Variants in EP400 observed in about 807,000 individuals in gnomAD.
The protein encoded by EP400 is E1A binding protein p400.
Under a neutral mutation model 354.1 loss-of-function variants are expected in EP400, and 105 were observed. The observed-to-expected ratio is 0.30, with a 90% CI of 0.25 to 0.35. The LOEUF is 0.35. Among genes scored for constraint, EP400 ranks in the 10% least tolerant of loss-of-function variants. The pLI is 1.00. For synonymous variants in EP400, 1,646 were observed against 1,716.9 expected (o/e 0.96, Z 1.02); for missense variants, 3,280 against 4,121.0 (o/e 0.80, Z 5.59).
chr12:132,064,717 C>T lies in EP400; in HGVS notation c.8384C>T (p.Pro2795Leu), dbSNP rs149682581. The stretch of plus-strand genomic sequence containing the variant: ...CAGAAACTGCAGATGCCCCCGCAGC[C>T]CCCACCGCCACAGGCCCAGTCTGCG... The part of the protein sequence containing the change: ...QKQKLQMPPQ[P>L]PPPQAQSAPP... The change falls in exon 48 of 53, where the codon CCC (proline) becomes CTC (leucine). Residue 2795 changes from proline to leucine, a missense_variant. This residue lies in a region of EP400 where 86 missense variants were observed against 66.4 expected (regional missense o/e 1.29). Transcript: ENST00000389561. 5.8e-5 allele frequency: 94 copies of T among 1,613,816 alleles called. No homozygotes were observed. Among genetic ancestry groups the T allele is most frequent in the Non-Finnish European group, 6.9e-5 (82 of 1,179,868 alleles).
At chr12:131,957,875 C>T (rs905123710) in intron 1 of EP400, among the ~76,000 whole-genome samples, 3 of 152,202 alleles carry the variant, frequency 2.0e-5, no homozygotes, top group Non-Finnish European at 4.4e-5. Context: ...GGATTACAGG[C>T]ATGAGCCACC....
chr12:132,005,532 T>C (rs1019730710), intron 13 of EP400, among the ~76,000 whole-genome samples: 1 of 152,222 alleles, frequency 6.6e-6, no homozygotes, highest in Non-Finnish European at 1.5e-5. Flanking sequence ...GGTATTAGAC[T>C]TTCTAAACAG....
rs755285715 is a variant in EP400, at chr12:132,067,948, A to G, written c.8874+462A>G. On this transcript the variant is annotated intron_variant, in intron 50 of 52. Coordinates refer to ENST00000389561, the MANE Select transcript of EP400 (RefSeq NM_015409.5). The surrounding 1 kb of genome is among the most constrained non-coding windows in gnomAD (Gnocchi z 5.3). ...GCATGTTGGTGGTGAAAGGGGAGAT[A>G]AACACGCCAGGGCCCGACGTGGATG... is the stretch of plus-strand genomic sequence containing the variant. 5.9e-5 allele frequency among the ~76,000 whole-genome samples: 9 copies of G among 152,070 alleles called. No homozygotes were observed. Among genetic ancestry groups the G allele is most frequent in the Admixed American group, 4.6e-4 (7 of 15,282 alleles).
intron 4 of EP400, 21 bp from the exon 5 acceptor site, chr12:131,982,072 G>A (rs1892699801): frequency 6.7e-7 from 1 of 1,502,752 alleles, no homozygotes; most frequent in Non-Finnish European, 8.8e-7. Context: ...CAGTGCTTTT[G>A]GCACTTTTCT....
At chr12:132,032,683 T>C (rs1378479797) in intron 30 of EP400, among the ~76,000 whole-genome samples, 4 of 151,684 alleles carry the variant, frequency 2.6e-5, no homozygotes, top group Non-Finnish European at 5.9e-5. Context: ...CAGGCGGTAG[T>C]GCAGTGGCAC....
chr12:132,013,282 C>T lies in EP400; in HGVS notation c.3611+104C>T, dbSNP rs367708103. On this transcript the variant is annotated intron_variant, in intron 17 of 52. Coordinates refer to ENST00000389561, the MANE Select transcript of EP400 (RefSeq NM_015409.5). The surrounding 1 kb of genome is among the most constrained non-coding windows in gnomAD (Gnocchi z 4.5). ...GCAGACACAAACAATGGCCTTTGAG[C>T]TAGAGAATTGCTTTTCATCTTCATC... 4.1e-6 allele frequency: 6 copies of T among 1,458,100 alleles called. No individual in the cohort carries two copies. In the East Asian group the frequency reaches 1.2e-4, roughly 29 times the overall value. The allele number at this position is 1,458,100 out of a possible 1,614,324, so 90.3% of individuals were successfully genotyped here. A position where few individuals can be genotyped will look rare whatever the true frequency, so the allele number is the denominator to read the frequency against.
intron 21 of EP400, 124 bp from the exon 22 acceptor site, chr12:132,019,925 C>T (rs1254307592): frequency 9.4e-7 from 1 of 1,059,782 alleles, no homozygotes; most frequent in African/African-American, 1.6e-5. Flanking sequence ...GTAAACTGCA[C>T]TCTGGGTGCT....
chr12:132,036,078 C>T (rs1894699184), intron 30 of EP400, among the ~76,000 whole-genome samples: 1 of 150,754 alleles, frequency 6.6e-6, no homozygotes, highest in African/African-American at 2.5e-5. Context: ...AAGCACACAG[C>T]CAGGTTCACA....
intron 21 of EP400, 88 bp from the exon 22 acceptor site, chr12:132,019,961 C>T: frequency 7.3e-7 from 1 of 1,368,922 alleles, no homozygotes; most frequent in East Asian, 2.7e-5. Context: ...TTCCTATGGG[C>T]AGCGGTGAAC....
intron 15 of EP400, among the ~76,000 whole-genome samples, chr12:132,009,300 C>A (rs1031788904): frequency 1.3e-5 from 2 of 152,026 alleles, no homozygotes; most frequent in Admixed American, 6.6e-5. Flanking sequence ...GTGAATCAGT[C>A]AGCGTTCATT....
At chr12:131,966,219 C>T (rs544205521) in intron 2 of EP400, among the ~76,000 whole-genome samples, 20 of 152,070 alleles carry the variant, frequency 1.3e-4, no homozygotes, top group Admixed American at 1.0e-3. Context: ...CTGTGGTTCA[C>T]GCCTGAAATC....
intron 2 of EP400, among the ~76,000 whole-genome samples, chr12:131,978,319 A>G (rs1294001836): frequency 6.6e-6 from 1 of 152,008 alleles, no homozygotes; most frequent in African/African-American, 2.4e-5. Context: ...ACTTGGTGAA[A>G]CCTTCAGTGC....
At chr12:131,974,730 C>T in intron 2 of EP400, among the ~76,000 whole-genome samples, 1 of 152,108 alleles carries the variant, frequency 6.6e-6, no homozygotes, top group East Asian at 1.9e-4. Context: ...AGAGTATCTT[C>T]TGTAATCCCA....
rs1401396908 is a variant in EP400, at chr12:132,075,028, C to T, written c.9022-1488C>T. On this transcript the variant is annotated intron_variant, in intron 51 of 52. Coordinates refer to ENST00000389561, the MANE Select transcript of EP400 (RefSeq NM_015409.5). The surrounding 1 kb of genome is among the most constrained non-coding windows in gnomAD (Gnocchi z 4.5). ...GTGTGGCTCAGGCTTTCACTCAGCTCTCAGGTGTTACCCACCTGGCCTCTG... is the reference window on the plus strand; with the variant it reads ...GTGTGGCTCAGGCTTTCACTCAGCTTTCAGGTGTTACCCACCTGGCCTCTG... Among the ~76,000 whole-genome samples the T allele has an allele frequency of 6.6e-6, 1 of 152,162 alleles. No homozygotes were observed. The highest frequency in any genetic ancestry group is 2.4e-5 in the African/African-American group (1 of 41,428).
intron 23 of EP400, among the ~76,000 whole-genome samples, chr12:132,021,702 G>C (rs1229724929): frequency 1.3e-5 from 2 of 152,212 alleles, no homozygotes; most frequent in Admixed American, 6.5e-5. Flanking sequence ...ACTGCATTTG[G>C]GAAGGTCGCT....
intron 30 of EP400, among the ~76,000 whole-genome samples, chr12:132,033,389 C>T (rs1477303235): frequency 6.6e-6 from 1 of 152,078 alleles, no homozygotes; most frequent in Non-Finnish European, 1.5e-5. Context: ...TTATTTTATG[C>T]CTGGTTGTGT....
rs1468317757 is a variant in EP400, at chr12:131,963,756, C to A, written c.1335+1802C>A. 9 of 750,648 alleles carry A rather than the reference C, an allele frequency of 1.2e-5. No individual in the cohort carries two copies. In the East Asian group the frequency reaches 2.5e-4, roughly 21 times the overall value. 46.5% of individuals were successfully genotyped at this position (750,648 alleles called of 1,614,324 possible). On this transcript the variant is annotated intron_variant, in intron 2 of 52. Coordinates refer to ENST00000389561, the MANE Select transcript of EP400 (RefSeq NM_015409.5). ...AGCATTTTTTTTCCAGAGCCCATTT[C>A]TTATTTTTCAACAGTAAAAAATCTT...
rs1415248520 is a variant in EP400, at chr12:132,043,691, A to G, written c.6413A>G (p.His2138Arg). 2 of 1,611,840 alleles carry G rather than the reference A, an allele frequency of 1.2e-6. No individual in the cohort carries two copies. Among genetic ancestry groups the G allele is most frequent in the Admixed American group, 3.4e-5 (2 of 59,562 alleles). ...KYALNYLELF[H>R]TSIEQEKERN... ...GCTTTAAATTACCTGGAATTATTCC[A>G]TACTTCTATTGAGCAAGAAAAGGAG... Residue 2138 changes from histidine (H) to arginine (R), a missense_variant, in exon 34 of 53, where the codon CAT becomes CGT. By Grantham distance (29) the His-to-Arg change is conservative (BLOSUM62 0). This residue lies in a region of EP400 where 231 missense variants were observed against 257.9 expected (regional missense o/e 0.90). Coordinates refer to ENST00000389561, the MANE Select transcript of EP400 (RefSeq NM_015409.5).
At position 131,994,303 on chromosome 12, in the gene EP400, G is replaced by A. The variant is rs1233312705; in HGVS notation, c.2738-564G>A. Among the ~76,000 whole-genome samples, 1 of 152,218 alleles carries A rather than the reference G, an allele frequency of 6.6e-6. No individual in the cohort carries two copies. Among genetic ancestry groups the A allele is most frequent in the Admixed American group, 6.5e-5 (1 of 15,278 alleles). ...GAGAGATGGTGCAGGCCCCCTGCAG[G>A]CCCCCAGGTGGGGAGAGGGTCCGTG... On this transcript the variant is annotated intron_variant, in intron 11 of 52. Transcript: ENST00000389561. The surrounding 1 kb of genome is among the most constrained non-coding windows in gnomAD (Gnocchi z 4.6).
Sources: gnomAD v4.1 joint callset for allele counts (sites outside exome capture counted in the v4.1 genomes callset) on GRCh38, gnomAD v4.1.1 for gene constraint, gnomAD v4.1.1 regional missense constraint, Gnocchi (gnomAD v3.1) non-coding constraint, MANE v1.5 for transcripts, NCBI Gene and HGNC (gene_info 2026-07-23, HGNC 2026-07-21) for gene names.